Variants in GRAMD1B observed in about 807,000 individuals in gnomAD.
GRAMD1B encodes the protein GRAM domain containing 1B.
GRAMD1B carries 37 observed loss-of-function variants against 99.7 expected under a neutral mutation model. The ratio of observed to expected loss-of-function variants is 0.37; its 90% CI spans 0.29 to 0.49. GRAMD1B has a LOEUF of 0.49. Among genes scored for constraint, GRAMD1B ranks in the 20% least tolerant of loss-of-function variants. The probability of loss-of-function intolerance (pLI) is 0.98; values close to 1 mark genes in which losing one functional copy is unlikely to be tolerated. For synonymous variants in GRAMD1B, 427 were observed against 387.6 expected (o/e 1.10, Z -1.19); for missense variants, 888 against 1,009.2 (o/e 0.88, Z 1.63).
At chr11:123,463,627 G>T (rs1334203873) in intron 1 of GRAMD1B, among the ~76,000 whole-genome samples, 1 of 152,142 alleles carries the variant, frequency 6.6e-6, no homozygotes, top group East Asian at 1.9e-4. Context: ...TAGTCCTATG[G>T]CTCAAAGGAG....
At chr11:123,388,255 A>G (rs2135833790) in intron 1 of GRAMD1B, among the ~76,000 whole-genome samples, 1 of 152,230 alleles carries the variant, frequency 6.6e-6, no homozygotes, top group South Asian at 2.1e-4. Context: ...ATCCCCCAAT[A>G]TGAACCCCAA....
intron 1 of GRAMD1B, among the ~76,000 whole-genome samples, chr11:123,460,650 CG>C (rs994465795): frequency 2.6e-5 from 4 of 152,032 alleles, no homozygotes; most frequent in African/African-American, 9.7e-5. Context: ...CAGTTTTTCC[CG>C]GGGCTAAGGG....
At chr11:123,534,321 G>C (rs1390056141) in intron 2 of GRAMD1B, among the ~76,000 whole-genome samples, 1 of 152,182 alleles carries the variant, frequency 6.6e-6, no homozygotes, top group East Asian at 1.9e-4. Flanking sequence ...CATTGAGTAG[G>C]CTGAGAAGGA....
At chr11:123,410,819 C>G (rs1948021194) in intron 1 of GRAMD1B, among the ~76,000 whole-genome samples, 1 of 152,158 alleles carries the variant, frequency 6.6e-6, no homozygotes, top group Non-Finnish European at 1.5e-5. Context: ...GGCCCACACT[C>G]TGCCACTTAA....
chr11:123,540,748 T>C (rs1429809791), intron 2 of GRAMD1B, among the ~76,000 whole-genome samples: 2 of 152,134 alleles, frequency 1.3e-5, no homozygotes, highest in East Asian at 3.8e-4. Flanking sequence ...ATATATATTA[T>C]AGATAGATAC....
At chr11:123,526,266 A>T (rs1942731217) in intron 2 of GRAMD1B, 1 of 1,045,966 alleles carries the variant, frequency 9.6e-7, no homozygotes. Context: ...CATTGATGCC[A>T]TCTCACCAGG....
At chr11:123,530,419 C>T (rs1462044762) in intron 2 of GRAMD1B, among the ~76,000 whole-genome samples, 1 of 151,998 alleles carries the variant, frequency 6.6e-6, no homozygotes. Flanking sequence ...CTCTTGTCAC[C>T]CAGGCTGGAG....
rs767820521 is a variant in GRAMD1B at position 123,603,534 on chromosome 11, A to G, written c.1159A>G (p.Thr387Ala). The change falls in exon 9 of 20, where the codon ACA becomes GCA. Residue 387 changes from threonine (T) to alanine (A), a missense_variant. Physicochemically the swap from Thr to Ala is moderately conservative, Grantham distance 58. This residue lies in a region of GRAMD1B where 269 missense variants were observed against 296.6 expected (regional missense o/e 0.91). Coordinates refer to ENST00000635736, the MANE Select transcript of GRAMD1B (RefSeq NM_001387025.1). Reference protein sequence around the residue: ...DYVPPDDDFNTMGYCEEIPVE... With the variant: ...DYVPPDDDFNAMGYCEEIPVE... ...CGTGCCCCCTGACGACGACTTCAACACAATGGGGTGAGTGAGGCCAAGGGC... is the reference window on the plus strand; with the variant it reads ...CGTGCCCCCTGACGACGACTTCAACGCAATGGGGTGAGTGAGGCCAAGGGC... The G allele has an allele frequency of 7.5e-6, 12 of 1,604,924 alleles. No individual in the cohort carries two copies. Among genetic ancestry groups the G allele is most frequent in the Non-Finnish European group, 9.4e-6 (11 of 1,171,702 alleles).
rs1485814618 is a variant in GRAMD1B, at chr11:123,591,029, C to T, written c.685-3053C>T. On this transcript the variant is annotated intron_variant, in intron 4 of 19. Transcript: ENST00000635736. The surrounding 1 kb of genome is among the most constrained non-coding windows in gnomAD (Gnocchi z 4.7). ...GCACCTGCCATGCCATCTGCATCCT[C>T]TGGACCCTTGGGGTGACTGTCTGCA... is the stretch of plus-strand genomic sequence containing the variant. The T allele has an allele frequency of 6.0e-6, 1 of 165,676 alleles. No individual in the cohort carries two copies. The highest frequency in any genetic ancestry group is 1.3e-5 in the Non-Finnish European group (1 of 77,232). 10.3% of individuals were successfully genotyped at this position (165,676 alleles called of 1,614,324 possible).
In GRAMD1B at chr11:123,562,035, TA is replaced by T. The variant is rs1592013462; in HGVS notation, c.453-15328del. ...ATCACTTGTGGAAAGAATGAAGGAA[TA>T]AAAGCTGTCATCACCTAGAAGAAAA... On this transcript the variant is annotated intron_variant, in intron 2 of 19. Transcript: ENST00000635736. 3.3e-5 allele frequency among the ~76,000 whole-genome samples: 5 copies of T among 151,752 alleles called. No individual in the cohort carries two copies. In the East Asian group the frequency reaches 9.7e-4, roughly 29 times the overall value.
At chr11:123,553,391 G>C (rs1043292676) in intron 2 of GRAMD1B, among the ~76,000 whole-genome samples, 1 of 152,036 alleles carries the variant, frequency 6.6e-6, no homozygotes, top group Non-Finnish European at 1.5e-5. Flanking sequence ...TGTTTATTCT[G>C]CTGGGCTGCA....
At chr11:123,598,493 A>G in intron 7 of GRAMD1B, 1 of 1,219,052 alleles carries the variant, frequency 8.2e-7, no homozygotes, top group Non-Finnish European at 1.2e-6. Context: ...CTAGAAAAGC[A>G]ATGTCTTTGT....
intron 1 of GRAMD1B, among the ~76,000 whole-genome samples, chr11:123,457,745 C>G (rs181489630): frequency 6.6e-6 from 1 of 152,276 alleles, no homozygotes; most frequent in East Asian, 1.9e-4. Flanking sequence ...GAGATGGGGT[C>G]TCACTCTATC....
chr11:123,397,767 C>T (rs1947518018), intron 1 of GRAMD1B, among the ~76,000 whole-genome samples: 1 of 152,144 alleles, frequency 6.6e-6, no homozygotes, highest in Non-Finnish European at 1.5e-5. Flanking sequence ...CCTTGGCCTC[C>T]CAAAGTGCTG....
intron 1 of GRAMD1B, among the ~76,000 whole-genome samples, chr11:123,405,990 T>G (rs887862163): frequency 6.6e-6 from 1 of 151,692 alleles, no homozygotes; most frequent in Non-Finnish European, 1.5e-5. Context: ...TTATTGTGGG[T>G]CACAGTCAAA....
At position 123,623,228 on chromosome 11, in the gene GRAMD1B, G is replaced by C. The variant is rs146462270; in HGVS notation, c.*633G>C. 6.6e-6 allele frequency: 1 copy of C among 152,114 alleles called. No homozygotes were observed. Among genetic ancestry groups the C allele is most frequent in the Non-Finnish European group, 1.5e-5 (1 of 68,048 alleles). The allele number at this position is 152,114 out of a possible 1,614,324, so 9.4% of individuals were successfully genotyped here. A position where few individuals can be genotyped will look rare whatever the true frequency, so the allele number is the denominator to read the frequency against. On this transcript the variant is annotated 3_prime_UTR_variant, in exon 20 of 20. Transcript: ENST00000635736. Reference sequence around the variant, plus strand: ...GTGGTGGCAGGCTCCCGAGACTCGTGTTCTGAAGGATACTCTCCTCCATCA... The same window carrying C: ...GTGGTGGCAGGCTCCCGAGACTCGTCTTCTGAAGGATACTCTCCTCCATCA...
intron 1 of GRAMD1B, among the ~76,000 whole-genome samples, chr11:123,472,111 T>G (rs1467248559): frequency 6.6e-6 from 1 of 151,882 alleles, no homozygotes; most frequent in Non-Finnish European, 1.5e-5. Context: ...TGCGGGCCTG[T>G]CATCCCAGCT....
At chr11:123,529,185 A>T (rs1206627052) in intron 2 of GRAMD1B, among the ~76,000 whole-genome samples, 1 of 152,180 alleles carries the variant, frequency 6.6e-6, no homozygotes, top group East Asian at 1.9e-4. Flanking sequence ...ACATGTGTAC[A>T]CGCAAGTCAG....
At chr11:123,604,969 GAT>G (rs1263704194) in intron 9 of GRAMD1B, among the ~76,000 whole-genome samples, 1 of 152,172 alleles carries the variant, frequency 6.6e-6, no homozygotes, top group Middle Eastern at 3.2e-3. Flanking sequence ...TCAGAACCCA[GAT>G]ATTTGATTCA....
Sources: gnomAD v4.1 joint callset for allele counts (sites outside exome capture counted in the v4.1 genomes callset) on GRCh38, gnomAD v4.1.1 for gene constraint, gnomAD v4.1.1 regional missense constraint, Gnocchi (gnomAD v3.1) non-coding constraint, MANE v1.5 for transcripts, NCBI Gene and HGNC (gene_info 2026-07-23, HGNC 2026-07-21) for gene names.